The following GSDMB variants were observed in gnomAD, a reference collection of about 807,000 sequenced individuals.
GSDMB encodes the protein gasdermin B.
In GSDMB, 32 loss-of-function variants were observed where a neutral mutation model predicts 42.9. The ratio of observed to expected loss-of-function variants is 0.75; its 90% CI spans 0.56 to 1.00. The LOEUF (loss-of-function observed/expected upper bound fraction) is 1.00, where lower values mean the gene tolerates loss of function less well. GSDMB is among the 50% of genes least tolerant of loss of function. The pLI is 0.00. For synonymous variants in GSDMB, 175 were observed against 193.7 expected, an observed-to-expected ratio of 0.90 and a Z score of 0.80; for missense variants, 468 against 498.5, an observed-to-expected ratio of 0.94 and a Z score of 0.58.
At chr17:39,915,914 A>G (rs927495066) in intron 2 of GSDMB, among the ~76,000 whole-genome samples, 2 of 152,196 alleles carry the variant, frequency 1.3e-5, no homozygotes, top group African/African-American at 4.8e-5. Context: ...GGTCTGAGCT[A>G]TGAGCGCCTT....
rs2063757247 is a variant in GSDMB, at chr17:39,918,594, T to G, written c.-75A>C. ...AGTTGTGAGAATCCCCACAGATCTC[T>G]GCACAGTTCCTGGCCTCTGAATCTC... On this transcript the variant is annotated 5_prime_UTR_variant, in exon 1 of 11. Coordinates refer to ENST00000418519, the MANE Select transcript of GSDMB (RefSeq NM_001165958.2). 6.6e-6 allele frequency: 1 copy of G among 152,038 alleles called. No homozygotes were observed. Among genetic ancestry groups the G allele is most frequent in the Non-Finnish European group, 1.5e-5 (1 of 68,010 alleles). 9.4% of individuals were successfully genotyped at this position (152,038 alleles called of 1,614,324 possible).
At chr17:39,912,624 C>T in intron 2 of GSDMB, 127 bp from the exon 3 acceptor site, 1 of 715,864 alleles carries the variant, frequency 1.4e-6, no homozygotes, top group Non-Finnish European at 2.5e-6. Context: ...GAGGGAGCGC[C>T]ACAGCTGTGG....
intron 7 of GSDMB, chr17:39,906,544 G>A (rs1338840716): frequency 7.4e-7 from 1 of 1,357,774 alleles, no homozygotes; most frequent in Non-Finnish European, 9.5e-7. Context: ...ACAAAAACTT[G>A]GTTATTTGGC....
chr17:39,906,076 T>A, intron 8 of GSDMB, 35 bp downstream of exon 8: 1 of 1,613,330 alleles, frequency 6.2e-7, no homozygotes, highest in Non-Finnish European at 8.5e-7. Flanking sequence ...GGCTCCTATC[T>A]CTCTCTGCCC....
At chr17:39,917,717 C>A in intron 1 of GSDMB, 1 of 218,146 alleles carries the variant, frequency 4.6e-6, no homozygotes, top group Non-Finnish European at 9.3e-6. Context: ...ATGATAATGC[C>A]ACCACCCTTT....
chr17:39,904,748 G>T lies in GSDMB; in HGVS notation c.*64C>A. The stretch of plus-strand genomic sequence containing the variant: ...CTGGTGACAGGATGGTAGTGGCGAT[G>T]GCAGTGAGGACAGACTGGTAAAGGG... On this transcript the variant is annotated 3_prime_UTR_variant, in exon 11 of 11. Transcript: ENST00000418519. 1 of 1,361,832 alleles carries T rather than the reference G, an allele frequency of 7.3e-7. No individual in the cohort carries two copies. The highest frequency in any genetic ancestry group is 1.0e-6 in the Non-Finnish European group (1 of 967,466). 84.4% of individuals were successfully genotyped at this position (1,361,832 alleles called of 1,614,324 possible). A position where few individuals can be genotyped will look rare whatever the true frequency, so the allele number is the denominator to read the frequency against.
At chr17:39,908,255 G>C in intron 5 of GSDMB, 41 bp from the exon 6 acceptor site, 1 of 1,163,898 alleles carries the variant, frequency 8.6e-7, no homozygotes, top group Non-Finnish European at 1.3e-6. Flanking sequence ...CAAGTTATTG[G>C]AGAGACCAGT....
chr17:39,906,667 T>C (rs1314590152), intron 7 of GSDMB: 34 of 1,238,304 alleles, frequency 2.7e-5, no homozygotes, highest in Non-Finnish European at 3.3e-5. Flanking sequence ...GAGGAGTTAT[T>C]ACAAATCCTG....
At chr17:39,914,833 C>CTTTTTTT (rs79835993) in intron 2 of GSDMB, among the ~76,000 whole-genome samples, 1 of 140,050 alleles carries the variant, frequency 7.1e-6, no homozygotes, top group Non-Finnish European at 1.5e-5. Flanking sequence ...CCTATGCACA[C>CTTTTTTT]TTTTTTTTTT....
At chr17:39,909,185 TGA>T (rs1381547533) in intron 4 of GSDMB, 143 bp from the exon 5 acceptor site, 1 of 598,042 alleles carries the variant, frequency 1.7e-6, no homozygotes. Context: ...GGTCAGCAGG[TGA>T]GACAGTCTCA....
At chr17:39,914,986 G>A (rs1442462462) in intron 2 of GSDMB, among the ~76,000 whole-genome samples, 2 of 151,868 alleles carry the variant, frequency 1.3e-5, no homozygotes, top group East Asian at 2.0e-4. Flanking sequence ...ACAGGCATGC[G>A]ACACCACGCC....
intron 3 of GSDMB, among the ~76,000 whole-genome samples, chr17:39,911,422 C>T (rs1158369974): frequency 6.6e-6 from 1 of 152,078 alleles, no homozygotes; most frequent in Non-Finnish European, 1.5e-5. Flanking sequence ...TGAGCTACTC[C>T]TCAATCTCCA....
At chr17:39,915,212 T>TCCA (rs563650519) in intron 2 of GSDMB, among the ~76,000 whole-genome samples, 26 of 152,178 alleles carry the variant, frequency 1.7e-4, no homozygotes, top group Non-Finnish European at 3.1e-4. Flanking sequence ...CCTCAAGTGA[T>TCCA]CCACCCGCCT....
At position 39,904,657 on chromosome 17, in the gene GSDMB, G is replaced by A; in HGVS notation, c.*155C>T. On this transcript the variant is annotated 3_prime_UTR_variant, in exon 11 of 11. Transcript: ENST00000418519. The stretch of plus-strand genomic sequence containing the variant: ...ATGTATGAAATCCAGGCTGGTTTTG[G>A]ATGTTAACATGGAGCGAATGGGATA... The A allele has an allele frequency of 1.7e-6, 1 of 584,198 alleles. No individual in the cohort carries two copies. The allele number at this position is 584,198 out of a possible 1,614,324, so 36.2% of individuals were successfully genotyped here.
At chr17:39,912,135 G>A (rs2063621396) in intron 3 of GSDMB, among the ~76,000 whole-genome samples, 191 bp downstream of exon 3, 1 of 152,126 alleles carries the variant, frequency 6.6e-6, no homozygotes, top group East Asian at 1.9e-4. Context: ...GGGGAGGGCT[G>A]AGGGAATCCT....
chr17:39,904,827 G>A lies in GSDMB; in HGVS notation c.1236C>T (p.Thr412=), dbSNP rs1383070932. The part of the protein sequence containing the change: ...SILLELAEGP[T]SVSS ...GCTTTTGTAGTTAGGAAGAGACAGAGGTAGGCCCCTCAGCCAGCTCCAGCA... is the reference window on the plus strand; with the variant it reads ...GCTTTTGTAGTTAGGAAGAGACAGAAGTAGGCCCCTCAGCCAGCTCCAGCA... The change falls in exon 11 of 11, where the codon ACC becomes ACT. Residue 412 remains threonine, a synonymous_variant. Coordinates refer to ENST00000418519, the MANE Select transcript of GSDMB (RefSeq NM_001165958.2). 2 of 1,613,878 alleles carry A rather than the reference G, an allele frequency of 1.2e-6. No homozygotes were observed. The highest frequency in any genetic ancestry group is 1.3e-5 in the African/African-American group (1 of 74,910).
chr17:39,915,677 A>G (rs539244986), intron 2 of GSDMB, among the ~76,000 whole-genome samples: 1 of 151,088 alleles, frequency 6.6e-6, no homozygotes, highest in Admixed American at 6.6e-5. Flanking sequence ...GAATTGACTC[A>G]GTCTTTGAAA....
rs183724236 is a variant in GSDMB at position 39,908,187 on chromosome 17, G to A, written c.689C>T (p.Ser230Phe). ...AGCAGCTCACTCACCTTCTGGAAAG[G>A]ATTTTGTTTTGCCCCTGAAATGAAT... ...MNIHFRGKTK[S>F]FPEEKDGASS... The change falls in exon 6 of 11, where the codon TCC (serine) becomes TTC (phenylalanine). Residue 230 changes from serine (S) to phenylalanine (F), a missense_variant. Ser to Phe is a radical substitution (Grantham distance 155, BLOSUM62 -2). Transcript: ENST00000418519. The A allele has an allele frequency of 2.1e-4, 312 of 1,521,624 alleles. 1 individual carries two copies. In the African/African-American group the frequency reaches 3.7e-3, roughly 18 times the overall value. 94.3% of individuals were successfully genotyped at this position (1,521,624 alleles called of 1,614,324 possible). A position where few individuals can be genotyped will look rare whatever the true frequency, so the allele number is the denominator to read the frequency against.
intron 2 of GSDMB, 66 bp downstream of exon 2, chr17:39,917,016 G>A (rs940251574): frequency 5.2e-6 from 5 of 970,456 alleles, no homozygotes; most frequent in Non-Finnish European, 8.4e-6. Flanking sequence ...GGGGAATTGA[G>A]AAGGAGATGG....
Sources: allele counts gnomAD v4.1 joint callset (sites outside exome capture counted in the v4.1 genomes callset), GRCh38; gene constraint gnomAD v4.1.1; transcripts MANE v1.5; gene names NCBI Gene and HGNC (gene_info 2026-07-23, HGNC 2026-07-21).